The following ATP6V0E2 variants were observed in gnomAD, a reference collection of about 807,000 sequenced individuals.
ATP6V0E2 encodes the protein V-type proton ATPase subunit e 2.
ATP6V0E2 carries 4 observed loss-of-function variants against 11.5 expected under a neutral mutation model. The ratio of observed to expected loss-of-function variants is 0.35; its 90% CI spans 0.17 to 0.80. The LOEUF is 0.80. ATP6V0E2 is among the 30% of genes least tolerant of loss of function. The pLI, the probability that ATP6V0E2 is intolerant of heterozygous loss-of-function variation, is 0.53. For synonymous variants in ATP6V0E2, 52 were observed against 51.0 expected (o/e 1.02, Z -0.09); for missense variants, 93 against 113.5 (o/e 0.82, Z 0.82).
chr7:149,873,635 A>C (rs117443760), upstream of ATP6V0E2: 32,572 of 326,008 alleles, frequency 0.1, 2,157 homozygotes, highest in East Asian at 0.29. Flanking sequence ...GCGGGTCCGC[A>C]GGGCGCTTCG....
In ATP6V0E2 at chr7:149,880,220, G is replaced by C. The variant is rs935449821; in HGVS notation, c.*905G>C. 2 of 152,930 alleles carry C rather than the reference G, an allele frequency of 1.3e-5. No individual in the cohort carries two copies. Among genetic ancestry groups the C allele is most frequent in the African/African-American group, 4.8e-5 (2 of 41,452 alleles). 9.5% of individuals were successfully genotyped at this position (152,930 alleles called of 1,614,324 possible). A position where few individuals can be genotyped will look rare whatever the true frequency, so the allele number is the denominator to read the frequency against. On this transcript the variant is annotated 3_prime_UTR_variant, in exon 4 of 4. Transcript: ENST00000425642. Reference sequence around the variant, plus strand: ...GAGCCAGCCCCGCCCTCTGCCCCCTGGCCCTGGGCTCTGTGCTAGGGATGG... The same window carrying C: ...GAGCCAGCCCCGCCCTCTGCCCCCTCGCCCTGGGCTCTGTGCTAGGGATGG...
chr7:149,873,926 T>C (rs1054817115), upstream of ATP6V0E2: 28 of 1,525,842 alleles, frequency 1.8e-5, no homozygotes, highest in Non-Finnish European at 2.3e-5. Context: ...GAGATGCGCG[T>C]GCGCGGCCCG....
upstream of ATP6V0E2, chr7:149,873,864 G>T: frequency 6.9e-7 from 1 of 1,458,440 alleles, no homozygotes. Flanking sequence ...CAGCCAATCA[G>T]CGAGTGGGCT....
At chr7:149,874,975 G>C (rs1803048265) in intron 1 of ATP6V0E2, 1 of 153,708 alleles carries the variant, frequency 6.5e-6, no homozygotes, top group Admixed American at 6.4e-5. Flanking sequence ...GCAGGGTTTG[G>C]GATCCCACAG....
chr7:149,874,503 A>C (rs1000155146), intron 1 of ATP6V0E2: 4 of 264,972 alleles, frequency 1.5e-5, no homozygotes, highest in African/African-American at 2.3e-5. Context: ...GCCAATATCA[A>C]GTCTCAGTTT....
rs1803340584 is a variant in ATP6V0E2, at chr7:149,879,511, C to T, written c.*196C>T. The T allele has an allele frequency of 6.3e-7, 1 of 1,585,530 alleles. No individual in the cohort carries two copies. The highest frequency in any genetic ancestry group is 2.3e-5 in the East Asian group (1 of 43,506). On this transcript the variant is annotated 3_prime_UTR_variant, in exon 4 of 4. Coordinates refer to ENST00000425642, the MANE Select transcript of ATP6V0E2 (RefSeq NM_145230.4). ...TCCCAGTCTTCCCAGCCAGCCCGGG[C>T]CCTGGGGAGCCCTGGGCACAGCAGC...
In ATP6V0E2 at chr7:149,874,020, C is replaced by A. The variant is rs764653797; in HGVS notation, c.-46C>A. ...GCTGGGGACCCGCGCACCTGCAGCG[C>A]CCGCTGCTCGGCCCTGCATCCTGCC... On this transcript the variant is annotated 5_prime_UTR_variant, in exon 1 of 4. Transcript: ENST00000425642. 1.4e-5 allele frequency: 22 copies of A among 1,547,762 alleles called. No individual in the cohort carries two copies. Among genetic ancestry groups the A allele is most frequent in the Non-Finnish European group, 1.9e-5 (22 of 1,146,060 alleles).
rs1803291454 is a variant in ATP6V0E2 at position 149,878,768 on chromosome 7, G to A, written c.243G>A (p.Glu81=). 9 of 1,612,994 alleles carry A rather than the reference G, an allele frequency of 5.6e-6. No individual in the cohort carries two copies. Among genetic ancestry groups the A allele is most frequent in the Middle Eastern group, 3.3e-4 (2 of 6,056 alleles). Residue 81 remains glutamate (E), a synonymous_variant, in exon 3 of 4, where the codon GAG becomes GAA. Transcript: ENST00000425642. The stretch of plus-strand genomic sequence containing the variant: ...TCTGGTACGTGCGCTTCCTGTGGGA[G>A]TGACCCGCCGCCCCCGACCCAGGTA... ...ETIWYVRFLW[E] is the part of the protein sequence containing the mutation.
Position 149,879,637 on chromosome 7 carries a change from C to T in ATP6V0E2, c.*322C>T, listed in dbSNP as rs761282876. On this transcript the variant is annotated 3_prime_UTR_variant, in exon 4 of 4. Coordinates refer to ENST00000425642, the MANE Select transcript of ATP6V0E2 (RefSeq NM_145230.4). ...GAGCTGGTATGGGTGGGGTCTTTCC[C>T]TTTACAGACGGGGCAGATGCCAGGA... 4.1e-5 allele frequency: 60 copies of T among 1,457,740 alleles called. No individual in the cohort carries two copies. Among genetic ancestry groups the T allele is most frequent in the Non-Finnish European group, 5.4e-5 (60 of 1,102,196 alleles). 90.3% of individuals were successfully genotyped at this position (1,457,740 alleles called of 1,614,324 possible). A position where few individuals can be genotyped will look rare whatever the true frequency, so the allele number is the denominator to read the frequency against.
upstream of ATP6V0E2, chr7:149,873,738 TG>T (rs1015311913): frequency 2.5e-6 from 2 of 788,664 alleles, no homozygotes; most frequent in Non-Finnish European, 3.7e-6. Context: ...GAAATAAGAA[TG>T]CGGCGTGACG....
In ATP6V0E2 at chr7:149,874,079, C is replaced by T; in HGVS notation, c.14C>T (p.Ser5Leu). 1 of 1,550,018 alleles carries T rather than the reference C, an allele frequency of 6.5e-7. No homozygotes were observed. Among genetic ancestry groups the T allele is most frequent in the East Asian group, 2.4e-5 (1 of 40,880 alleles). MTAH[S>L]FALPVIIFTT... ...CTGCGCCCGGCCATGACGGCGCACT[C>T]ATTCGCCCTCCCGGTCATCATCTTC... is the stretch of plus-strand genomic sequence containing the variant. Residue 5 changes from serine to leucine, a missense_variant, in exon 1 of 4, where the codon TCA (serine) becomes TTA (leucine). Physicochemically the swap from Ser to Leu is moderately radical, Grantham distance 145. Transcript: ENST00000425642.
intron 1 of ATP6V0E2, 146 bp downstream of exon 1, chr7:149,874,315 T>A: frequency 9.2e-7 from 1 of 1,082,128 alleles, no homozygotes; most frequent in Non-Finnish European, 1.3e-6. Flanking sequence ...CTCTGAGGTC[T>A]CTCTGCACCT....
rs192363603 is a variant in ATP6V0E2, at chr7:149,879,212, G to A, written c.*20-123G>A. ...CCTAACCTGGGCCCTAACCTGGACG[G>A]AGGGAGGGAAAGGGTAAGCTGAGGA... On this transcript the variant is annotated intron_variant, in intron 3 of 3. Coordinates refer to ENST00000425642, the MANE Select transcript of ATP6V0E2 (RefSeq NM_145230.4). 2.9e-4 allele frequency: 405 copies of A among 1,399,972 alleles called. 4 individuals carry two copies. The Admixed American group carries it at 8.1e-3, about 28-fold the overall frequency. 86.7% of individuals were successfully genotyped at this position (1,399,972 alleles called of 1,614,324 possible).
At position 149,879,683 on chromosome 7, in the gene ATP6V0E2, A is replaced by G. The variant is rs1278584022; in HGVS notation, c.*368A>G. 2 of 1,415,156 alleles carry G rather than the reference A, an allele frequency of 1.4e-6. No individual in the cohort carries two copies. Among genetic ancestry groups the G allele is most frequent in the Non-Finnish European group, 1.9e-6 (2 of 1,078,524 alleles). 87.7% of individuals were successfully genotyped at this position (1,415,156 alleles called of 1,614,324 possible). A position where few individuals can be genotyped will look rare whatever the true frequency, so the allele number is the denominator to read the frequency against. On this transcript the variant is annotated 3_prime_UTR_variant, in exon 4 of 4. Coordinates refer to ENST00000425642, the MANE Select transcript of ATP6V0E2 (RefSeq NM_145230.4). ...CAGGACTCAGCCCATCCTGAGGAGG[A>G]CACGTGTCCTCATGGAGAGGGTGCT... is the stretch of plus-strand genomic sequence containing the variant.
At chr7:149,876,623 G>A (rs1026088291) in intron 2 of ATP6V0E2, among the ~76,000 whole-genome samples, 6 of 152,142 alleles carry the variant, frequency 3.9e-5, no homozygotes, top group Admixed American at 6.5e-5. Flanking sequence ...CCAAACCTGC[G>A]GTTACATTGC....
Position 149,879,326 on chromosome 7 carries a change from G to A in ATP6V0E2, c.*20-9G>A, listed in dbSNP as rs746593973. The stretch of plus-strand genomic sequence containing the variant: ...AGGCCGGGACCCTTCCATGTGATGT[G>A]CTTTTCAGGTGCCCAGCTCTCGGAA... On this transcript the variant is annotated splice_polypyrimidine_tract_variant and intron_variant, in intron 3 of 3. Transcript: ENST00000425642. 1.3e-6 allele frequency: 2 copies of A among 1,522,186 alleles called. No homozygotes were observed. The highest frequency in any genetic ancestry group is 1.3e-5 in the South Asian group (1 of 76,206). The allele number at this position is 1,522,186 out of a possible 1,614,324, so 94.3% of individuals were successfully genotyped here.
rs145747559 is a variant in ATP6V0E2 at position 149,880,039 on chromosome 7, C to T, written c.*724C>T. The T allele has an allele frequency of 6.2e-3, 1,127 of 180,774 alleles. 38 individuals carry two copies. The highest frequency in any genetic ancestry group is 0.05 in the Admixed American group (809 of 16,058). 11.2% of individuals were successfully genotyped at this position (180,774 alleles called of 1,614,324 possible). ...CTCCCCCGACCCCAGCCTGTCAGTCCGAGCACAGTGCAGGTTTGGCTCTGA... is the reference window on the plus strand; with the variant it reads ...CTCCCCCGACCCCAGCCTGTCAGTCTGAGCACAGTGCAGGTTTGGCTCTGA... On this transcript the variant is annotated 3_prime_UTR_variant, in exon 4 of 4. Coordinates refer to ENST00000425642, the MANE Select transcript of ATP6V0E2 (RefSeq NM_145230.4).
intron 2 of ATP6V0E2, among the ~76,000 whole-genome samples, chr7:149,877,474 A>C (rs1196078441): frequency 2.0e-5 from 3 of 152,114 alleles, no homozygotes; most frequent in South Asian, 2.1e-4. Flanking sequence ...ACGCCACTGC[A>C]CCCAGAAATG....
chr7:149,877,628 A>G (rs530854943), intron 2 of ATP6V0E2, among the ~76,000 whole-genome samples: 6 of 142,078 alleles, frequency 4.2e-5, no homozygotes, highest in African/African-American at 1.6e-4. Flanking sequence ...CTCTAATGCT[A>G]TTTCTAGGTC....
Sources: gnomAD v4.1 joint callset for allele counts (sites outside exome capture counted in the v4.1 genomes callset) on GRCh38, gnomAD v4.1.1 for gene constraint, MANE v1.5 for transcripts, NCBI Gene and HGNC (gene_info 2026-07-23, HGNC 2026-07-21) for gene names.